The following MYO15B variants were observed in gnomAD, a reference collection of about 807,000 sequenced individuals.
MYO15B encodes myosin XVB.
A neutral mutation model predicts 119.3 loss-of-function variants in MYO15B; 207 were observed. The ratio of observed to expected loss-of-function variants is 1.73; its 90% CI spans 1.55 to 1.95. MYO15B has a LOEUF of 1.95. Ranked by LOEUF, MYO15B falls within the 30% of genes most tolerant of loss-of-function variation. The probability of loss-of-function intolerance (pLI) is 0.00; values close to 1 mark genes in which losing one functional copy is unlikely to be tolerated. For synonymous variants in MYO15B, 966 were observed against 498.9 expected, an observed-to-expected ratio of 1.94 and a Z score of -12.48; for missense variants, 2,264 against 1,203.1, an observed-to-expected ratio of 1.88 and a Z score of -13.04.
At position 75,625,232 on chromosome 17, in the gene MYO15B, C is replaced by T. The variant is rs148353825; in HGVS notation, c.8798C>T (p.Pro2933Leu). The T allele has an allele frequency of 2.4e-3, 1,645 of 699,746 alleles. 47 individuals are homozygous for T. The East Asian group carries it at 0.042, about 18-fold the overall frequency. 43.3% of individuals were successfully genotyped at this position (699,746 alleles called of 1,614,324 possible). ...CTCAGCAAGGCCAACAGGAATACCC[C>T]CTCAGGGTGAGTGGAGGCACCTCCC... Residue 2933 changes from proline (P) to leucine (L), a missense_variant, in exon 60 of 64, where the codon CCC (proline) becomes CTC (leucine). By Grantham distance (98) the Pro-to-Leu change is moderately conservative. Transcript: ENST00000645453.
In MYO15B at chr17:75,589,462, C is replaced by CAGGACCGCGGGAAAGCGGACGA; in HGVS notation, c.1405_1406insAGGACCGCGGGAAAGCGGACGA (p.Arg469GlnfsTer14). ...GGGCTGCGGGAAAGCGGACGAGGGG[C>CAGGACCGCGGGAAAGCGGACGA]GGGGTCACGAGAGAGGTGACGAGGG... On this transcript the variant is annotated frameshift_variant, in exon 1 of 64. Transcript: ENST00000645453. LOFTEE classifies it high-confidence loss of function. The surrounding 1 kb of genome is among the most constrained non-coding windows in gnomAD (Gnocchi z 4.2). The CAGGACCGCGGGAAAGCGGACGA allele has an allele frequency of 5.1e-6, 2 of 388,452 alleles. No homozygotes were observed. The highest frequency in any genetic ancestry group is 9.0e-6 in the Non-Finnish European group (2 of 222,478). 24.1% of individuals were successfully genotyped at this position (388,452 alleles called of 1,614,324 possible).
Position 75,589,030 on chromosome 17 carries a change from G to A in MYO15B, c.973G>A (p.Gly325Arg), listed in dbSNP as rs898066532. 4 of 397,244 alleles carry A rather than the reference G, an allele frequency of 1.0e-5. No individual in the cohort carries two copies. Among genetic ancestry groups the A allele is most frequent in the Non-Finnish European group, 1.8e-5 (4 of 225,206 alleles). The allele number at this position is 397,244 out of a possible 1,614,324, so 24.6% of individuals were successfully genotyped here. Reference sequence around the variant, plus strand: ...CGAGGGCGAAGCGGGAGCCGCAGCAGGAGCGGGGCCGGAGGACCCAGCCCC... The same window carrying A: ...CGAGGGCGAAGCGGGAGCCGCAGCAAGAGCGGGGCCGGAGGACCCAGCCCC... Residue 325 changes from glycine (G) to arginine (R), a missense_variant, in exon 1 of 64, where the codon GGA (glycine) becomes AGA (arginine). Coordinates refer to ENST00000645453, the Ensembl canonical transcript of MYO15B. The surrounding 1 kb of genome is among the most constrained non-coding windows in gnomAD (Gnocchi z 4.2).
chr17:75,612,813 A>T, exon 26 of MYO15B: 1 of 702,942 alleles, frequency 1.4e-6, no homozygotes, highest in East Asian at 2.7e-5. Context: ...GTCCCTGCCC[A>T]GGCCAGGGCA....
At chr17:75,600,366 G>A (rs1448092717) in intron 14 of MYO15B, among the ~76,000 whole-genome samples, 1 of 151,584 alleles carries the variant, frequency 6.6e-6, no homozygotes, top group Non-Finnish European at 1.5e-5. Flanking sequence ...AAGCACATGT[G>A]ATTGTGGGAC....
At chr17:75,588,848 A>G (rs1262711518) in exon 1 of MYO15B, 1 of 398,338 alleles carries the variant, frequency 2.5e-6, no homozygotes, top group Admixed American at 4.4e-5. Flanking sequence ...ACCTTCGAGG[A>G]CAGCTCGCGG....
chr17:75,591,564 C>T (rs753532088), intron 4 of MYO15B, 37 bp from the exon 5 acceptor site: 1 of 702,486 alleles, frequency 1.4e-6, no homozygotes, highest in South Asian at 1.5e-5. Flanking sequence ...TCCTATGTGC[C>T]CCTCCCTGGA....
intron 62 of MYO15B, 53 bp from the exon 63 acceptor site, chr17:75,626,035 C>T: frequency 1.4e-6 from 1 of 697,166 alleles, no homozygotes; most frequent in South Asian, 1.5e-5. Flanking sequence ...TTCCATCACC[C>T]ACAATGACCC....
intron 21 of MYO15B, among the ~76,000 whole-genome samples, chr17:75,607,429 T>TAA (rs1555683225): frequency 5.5e-5 from 5 of 91,442 alleles, no homozygotes; most frequent in African/African-American, 1.5e-4. Flanking sequence ...GGGTTAATAA[T>TAA]TAATTATTAT....
chr17:75,625,480 T>A, intron 60 of MYO15B, 47 bp from the exon 61 acceptor site: 1 of 702,090 alleles, frequency 1.4e-6, no homozygotes, highest in Non-Finnish European at 2.6e-6. Flanking sequence ...TGCCCAGCCC[T>A]GTACCAGGTG....
chr17:75,615,924 T>G (rs1598878761), intron 36 of MYO15B, 40 bp downstream of exon 36: 1 of 631,368 alleles, frequency 1.6e-6, no homozygotes. Context: ...GATGTGAGGG[T>G]GGGGACTGCA....
exon 45 of MYO15B, chr17:75,619,359 A>G (rs1340456726): frequency 2.8e-6 from 2 of 702,412 alleles, no homozygotes; most frequent in Admixed American, 2.0e-5. Flanking sequence ...TGCCCACAGG[A>G]GGCTTGGAGG....
chr17:75,605,092 G>A (rs1051685905), intron 19 of MYO15B, among the ~76,000 whole-genome samples: 4 of 151,130 alleles, frequency 2.6e-5, no homozygotes, highest in African/African-American at 7.3e-5. Flanking sequence ...AGCTGAGATT[G>A]CACCATTGCA....
Position 75,615,677 on chromosome 17 carries a change from GCTC to G in MYO15B, c.5839-10_5839-8del, listed in dbSNP as rs1568196503. The G allele has an allele frequency of 1.5e-6, 1 of 671,102 alleles. No homozygotes were observed. The allele number at this position is 671,102 out of a possible 1,614,324, so 41.6% of individuals were successfully genotyped here. The stretch of plus-strand genomic sequence containing the variant: ...TCGGGGATGAGGGTCTGAACTGGCT[GCTC>G]CTCCTGCTTCAGGCCCAGCAGATGA... On this transcript the variant is annotated splice_polypyrimidine_tract_variant and intron_variant, in intron 35 of 63. Coordinates refer to ENST00000645453, the Ensembl canonical transcript of MYO15B.
chr17:75,596,945 G>A (rs1439804986), intron 14 of MYO15B, 46 bp downstream of exon 14: 2 of 652,936 alleles, frequency 3.1e-6, no homozygotes, highest in Non-Finnish European at 5.5e-6. Flanking sequence ...GGGAAGGAGT[G>A]GAGGCCCTGG....
At position 75,613,136 on chromosome 17, in the gene MYO15B, C is replaced by T. The variant is rs997159402; in HGVS notation, c.4894C>T (p.Arg1632Cys). The stretch of plus-strand genomic sequence containing the variant: ...GAACCCAGATGAACAGCAGAGCCAG[C>T]GTGGCTGGGCCCTCATGGCTGTTTT... Residue 1632 changes from arginine to cysteine, a missense_variant, in exon 27 of 64, where the codon CGT becomes TGT. Coordinates refer to ENST00000645453, the Ensembl canonical transcript of MYO15B. The T allele has an allele frequency of 6.5e-5, 46 of 702,520 alleles. No homozygotes were observed. The Admixed American group carries it at 7.8e-4, about 12-fold the overall frequency. 43.5% of individuals were successfully genotyped at this position (702,520 alleles called of 1,614,324 possible).
At chr17:75,616,616 G>A (rs1347352855) in exon 39 of MYO15B, 1 of 703,050 alleles carries the variant, frequency 1.4e-6, no homozygotes, top group East Asian at 2.7e-5. Flanking sequence ...GCCAGCCAAG[G>A]AGACAGCGGC....
chr17:75,614,672 G>A, exon 31 of MYO15B: 1 of 701,986 alleles, frequency 1.4e-6, no homozygotes, highest in Non-Finnish European at 2.6e-6. Flanking sequence ...CTGCCCAGCA[G>A]GGACCACACA....
chr17:75,601,472 A>G (rs2057281709), exon 15 of MYO15B: 1 of 703,046 alleles, frequency 1.4e-6, no homozygotes, highest in Non-Finnish European at 2.6e-6. Context: ...AAGAGCCACT[A>G]TCACCATGGT....
chr17:75,626,508 A>C (rs73995932), exon 64 of MYO15B: 1 of 702,938 alleles, frequency 1.4e-6, no homozygotes, highest in Non-Finnish European at 2.6e-6. Context: ...CGGGGAGAGA[A>C]GAGGATGAGG....
Sources: gnomAD v4.1 joint callset for allele counts (sites outside exome capture counted in the v4.1 genomes callset) on GRCh38, gnomAD v4.1.1 for gene constraint, Gnocchi (gnomAD v3.1) non-coding constraint, MANE v1.5 for transcripts, NCBI Gene and HGNC (gene_info 2026-07-23, HGNC 2026-07-21) for gene names.